The following KCNH1 variants were observed in gnomAD, a reference collection of about 807,000 sequenced individuals.
KCNH1 encodes the protein potassium voltage-gated channel subfamily H member 1, also known as voltage-gated delayed rectifier potassium channel KCNH1.
Under a neutral mutation model 69.2 loss-of-function variants are expected in KCNH1, and 27 were observed. The ratio of observed to expected loss-of-function variants is 0.39; its 90% CI spans 0.29 to 0.54. The LOEUF is 0.54. Ranked by LOEUF, KCNH1 falls within the 20% of genes least tolerant of loss-of-function variation. The pLI is 0.68. For missense variants in KCNH1, 798 were observed against 1,261.6 expected, an observed-to-expected ratio of 0.63 and a Z score of 5.57; for synonymous variants, 456 against 487.7, an observed-to-expected ratio of 0.93 and a Z score of 0.86.
intron 7 of KCNH1, among the ~76,000 whole-genome samples, chr1:210,865,845 T>C (rs1176759787): frequency 6.6e-6 from 1 of 152,178 alleles, no homozygotes; most frequent in African/African-American, 2.4e-5. Context: ...TTGGCCTAGA[T>C]TGTGGGGCAA....
intron 10 of KCNH1, among the ~76,000 whole-genome samples, chr1:210,748,238 G>T (rs1204543776): frequency 6.6e-6 from 1 of 152,170 alleles, no homozygotes; most frequent in Non-Finnish European, 1.5e-5. Context: ...GGGATAGTGG[G>T]TATCTGGGCT....
intron 1 of KCNH1, among the ~76,000 whole-genome samples, chr1:211,110,820 A>T (rs1691447516): frequency 6.6e-6 from 1 of 152,202 alleles, no homozygotes; most frequent in Non-Finnish European, 1.5e-5. Flanking sequence ...AGTGAGCTAA[A>T]ACCTCAACTA....
intron 7 of KCNH1, among the ~76,000 whole-genome samples, chr1:210,897,295 A>T (rs1241098761): frequency 6.6e-6 from 1 of 152,234 alleles, no homozygotes; most frequent in Non-Finnish European, 1.5e-5. Flanking sequence ...CAGAAGATGG[A>T]GCTCAATGGA....
chr1:210,857,174 C>T (rs1447389928), intron 7 of KCNH1, among the ~76,000 whole-genome samples: 1 of 151,316 alleles, frequency 6.6e-6, no homozygotes, highest in African/African-American at 2.4e-5. Context: ...ACATACAGGT[C>T]AACAGGTTAC....
chr1:210,721,010 A>G (rs1362398002), intron 10 of KCNH1, among the ~76,000 whole-genome samples: 4 of 152,176 alleles, frequency 2.6e-5, no homozygotes, highest in Admixed American at 6.5e-5. Context: ...CTTTGGAGCT[A>G]GAAGAACCCT....
chr1:210,943,978 T>C (rs1687916642), intron 6 of KCNH1, among the ~76,000 whole-genome samples: 1 of 152,174 alleles, frequency 6.6e-6, no homozygotes, highest in Non-Finnish European at 1.5e-5. Context: ...GTTCTTTAAG[T>C]ACTGTGTATT....
intron 6 of KCNH1, among the ~76,000 whole-genome samples, chr1:210,922,057 T>A (rs1409486616): frequency 6.6e-6 from 1 of 151,684 alleles, no homozygotes; most frequent in Non-Finnish European, 1.5e-5. Flanking sequence ...GAGGTGAGGA[T>A]GGAAGAGGTG....
intron 4 of KCNH1, among the ~76,000 whole-genome samples, chr1:211,083,184 G>C (rs756085215): frequency 3.9e-5 from 6 of 152,256 alleles, no homozygotes. Context: ...GACACAGAGT[G>C]CCTGGACAAT....
intron 7 of KCNH1, among the ~76,000 whole-genome samples, chr1:210,863,726 C>A (rs181003321): frequency 6.6e-6 from 1 of 152,320 alleles, no homozygotes; most frequent in East Asian, 1.9e-4. Flanking sequence ...CCCAAAGGAG[C>A]TGTGCCTTGC....
intron 5 of KCNH1, among the ~76,000 whole-genome samples, chr1:211,040,211 T>C (rs1407852056): frequency 1.4e-5 from 2 of 144,794 alleles, no homozygotes; most frequent in Non-Finnish European, 3.1e-5. Flanking sequence ...AAAAAAAGAC[T>C]TCGGGGGACT....
rs1440130418 is a variant in KCNH1 at position 210,679,950 on chromosome 1, G to C, written c.*3331C>G. On this transcript the variant is annotated 3_prime_UTR_variant, in exon 11 of 11. Coordinates refer to ENST00000271751, the MANE Select transcript of KCNH1 (RefSeq NM_172362.3). ...ATGTAGCATTGCATTAATGCAATGA[G>C]TTGCATTCATGAATGCAATGAGTTG... The C allele has an allele frequency of 6.7e-6, 1 of 149,084 alleles. No individual in the cohort carries two copies. The highest frequency in any genetic ancestry group is 1.5e-5 in the Non-Finnish European group (1 of 67,032). 9.2% of individuals were successfully genotyped at this position (149,084 alleles called of 1,614,324 possible). A position where few individuals can be genotyped will look rare whatever the true frequency, so the allele number is the denominator to read the frequency against.
intron 6 of KCNH1, among the ~76,000 whole-genome samples, chr1:210,948,189 A>C (rs1261730258): frequency 6.6e-6 from 1 of 151,756 alleles, no homozygotes; most frequent in Non-Finnish European, 1.5e-5. Flanking sequence ...CAACAGAGTA[A>C]GACCCTGTCT....
Position 210,960,604 on chromosome 1 carries a change from T to A in KCNH1, c.1033-40535A>T, listed in dbSNP as rs531807846. Among the ~76,000 whole-genome samples, 33 of 152,366 alleles carry A rather than the reference T, an allele frequency of 2.2e-4. 1 individual carries two copies. The South Asian group carries it at 6.2e-3, about 29-fold the overall frequency. ...TTGCATATGTCAACAGTTCATTCCT[T>A]TGTATTGCTGAGTAGTAGCCTATTG... On this transcript the variant is annotated intron_variant, in intron 6 of 10. Transcript: ENST00000271751.
chr1:210,739,967 CA>C (rs1007624480), intron 10 of KCNH1, among the ~76,000 whole-genome samples: 15 of 151,740 alleles, frequency 9.9e-5, no homozygotes, highest in Non-Finnish European at 7.4e-5. Context: ...TCCAAGATAC[CA>C]GGGGGGGAAA....
chr1:210,884,346 C>T (rs1191943922), intron 7 of KCNH1, among the ~76,000 whole-genome samples: 1 of 152,180 alleles, frequency 6.6e-6, no homozygotes, highest in Admixed American at 6.6e-5. Flanking sequence ...ACAACTAGCA[C>T]CTGCAGCCTG....
chr1:210,894,088 G>A (rs1018863120), intron 7 of KCNH1, among the ~76,000 whole-genome samples: 3 of 152,100 alleles, frequency 2.0e-5, no homozygotes, highest in Non-Finnish European at 2.9e-5. Flanking sequence ...TCCTCATCAT[G>A]TACTGTATTT....
intron 1 of KCNH1, among the ~76,000 whole-genome samples, chr1:211,116,540 T>A (rs12047781): frequency 6.6e-6 from 1 of 152,186 alleles, no homozygotes; most frequent in Non-Finnish European, 1.5e-5. Flanking sequence ...CACCCCTAGA[T>A]AGAAGAAGTA....
chr1:210,708,094 G>T (rs926852460), intron 10 of KCNH1, among the ~76,000 whole-genome samples: 2 of 152,166 alleles, frequency 1.3e-5, no homozygotes, highest in African/African-American at 4.8e-5. Flanking sequence ...GCCCTTCACT[G>T]TCTCATTCTC....
intron 6 of KCNH1, among the ~76,000 whole-genome samples, chr1:210,989,329 G>A (rs1688899744): frequency 6.6e-6 from 1 of 152,190 alleles, no homozygotes; most frequent in Non-Finnish European, 1.5e-5. Context: ...CTACTTTTGT[G>A]AATAGAAATA....
Sources: allele counts gnomAD v4.1 joint callset (sites outside exome capture counted in the v4.1 genomes callset), GRCh38; gene constraint gnomAD v4.1.1; transcripts MANE v1.5; gene names NCBI Gene and HGNC (gene_info 2026-07-23, HGNC 2026-07-21).